Variants in RNASEH2B observed in about 807,000 individuals in gnomAD.
RNASEH2B encodes ribonuclease H2 subunit B, also known as Aicardi-Goutieres syndrome 2 protein.
A neutral mutation model predicts 45.0 loss-of-function variants in RNASEH2B; 36 were observed. The observed-to-expected ratio is 0.80, with a 90% confidence interval of 0.61 to 1.06. RNASEH2B has a LOEUF of 1.06. RNASEH2B is among the 50% of genes least tolerant of loss of function. The probability of loss-of-function intolerance (pLI) is 0.00; values close to 1 mark genes in which losing one functional copy is unlikely to be tolerated. For missense variants in RNASEH2B, 361 were observed against 360.3 expected, an observed-to-expected ratio of 1.00 and a Z score of -0.02; for synonymous variants, 119 against 125.7, an observed-to-expected ratio of 0.95 and a Z score of 0.35.
At chr13:50,931,119 C>CTT (rs1951676883) in intron 4 of RNASEH2B, among the ~76,000 whole-genome samples, 1 of 152,136 alleles carries the variant, frequency 6.6e-6, no homozygotes, top group Non-Finnish European at 1.5e-5. Context: ...GACCACATGT[C>CTT]TTAAAGAGTC....
At chr13:50,944,327 A>G (rs1184301082) in intron 6 of RNASEH2B, among the ~76,000 whole-genome samples, 3 of 152,188 alleles carry the variant, frequency 2.0e-5, no homozygotes, top group Non-Finnish European at 2.9e-5. Flanking sequence ...ACTGTTTCCT[A>G]AGATTCTCTT....
intron 9 of RNASEH2B, among the ~76,000 whole-genome samples, chr13:50,965,862 C>A (rs533787489): frequency 9.9e-5 from 15 of 152,276 alleles, no homozygotes; most frequent in African/African-American, 3.4e-4. Context: ...AGCCCGCAAC[C>A]TAAATTATTG....
chr13:50,930,777 A>C lies in RNASEH2B; in HGVS notation c.321+18A>C. The C allele has an allele frequency of 6.4e-7, 1 of 1,572,616 alleles. No individual in the cohort carries two copies. Among genetic ancestry groups the C allele is most frequent in the Non-Finnish European group, 8.8e-7 (1 of 1,142,148 alleles). On this transcript the variant is annotated intron_variant, in intron 4 of 10. Coordinates refer to ENST00000336617, the MANE Select transcript of RNASEH2B (RefSeq NM_024570.4). ...ATAAGGAGGTGAGTTTCCAGCTCGG[A>C]GCATCCACAGTGAGGAAACAGAATC...
intron 1 of RNASEH2B, among the ~76,000 whole-genome samples, chr13:50,920,696 G>A (rs1026321821): frequency 5.3e-5 from 8 of 152,204 alleles, no homozygotes; most frequent in African/African-American, 1.9e-4. Flanking sequence ...TGGAAGCATA[G>A]TTTTGGAAGA....
intron 6 of RNASEH2B, among the ~76,000 whole-genome samples, chr13:50,944,890 A>G (rs1041275472): frequency 7.2e-5 from 11 of 152,360 alleles, no homozygotes; most frequent in African/African-American, 2.4e-4. Context: ...GGAAAATGAC[A>G]TGAATAGCGA....
At chr13:50,943,169 A>G (rs576591610) in intron 5 of RNASEH2B, 152 bp from the exon 6 acceptor site, 140 of 615,606 alleles carry the variant, frequency 2.3e-4, no homozygotes, top group Non-Finnish European at 3.8e-4. Context: ...ATTTAAAAAA[A>G]CATTTCAAGT....
At chr13:50,965,758 C>A (rs1952158926) in intron 9 of RNASEH2B, among the ~76,000 whole-genome samples, 1 of 152,160 alleles carries the variant, frequency 6.6e-6, no homozygotes, top group South Asian at 2.1e-4. Flanking sequence ...TCTTTAATCT[C>A]TCTGGATAAA....
intron 9 of RNASEH2B, among the ~76,000 whole-genome samples, chr13:50,963,785 A>G (rs1473892209): frequency 6.6e-6 from 1 of 152,224 alleles, no homozygotes; most frequent in Non-Finnish European, 1.5e-5. Flanking sequence ...GATCAAAACC[A>G]GAAAATTTAC....
chr13:50,969,634 G>A (rs886941160), intron 9 of RNASEH2B, among the ~76,000 whole-genome samples: 1 of 151,584 alleles, frequency 6.6e-6, no homozygotes, highest in Non-Finnish European at 1.5e-5. Flanking sequence ...CATCCTGTAA[G>A]TTTGGGCCAC....
chr13:50,960,516 T>C (rs577386172), downstream of RNASEH2B, among the ~76,000 whole-genome samples: 44 of 152,282 alleles, frequency 2.9e-4, no homozygotes, highest in Non-Finnish European at 6.0e-4. Context: ...TTCCTTAAGG[T>C]TTAAATTAAT....
chr13:50,940,297 G>A (rs756087944), intron 5 of RNASEH2B, among the ~76,000 whole-genome samples: 1 of 152,152 alleles, frequency 6.6e-6, no homozygotes, highest in Non-Finnish European at 1.5e-5. Flanking sequence ...GGGAACTTTG[G>A]GGGATGATGC....
chr13:50,961,210 G>C (rs1952108184), downstream of RNASEH2B, among the ~76,000 whole-genome samples: 2 of 152,034 alleles, frequency 1.3e-5, no homozygotes, highest in African/African-American at 2.4e-5. Flanking sequence ...TAAGTAATTT[G>C]TGGGTAAGTA....
chr13:50,929,456 GAC>G lies in RNASEH2B; in HGVS notation c.137-17_137-16del. The G allele has an allele frequency of 6.6e-7, 1 of 1,522,492 alleles. No individual in the cohort carries two copies. The highest frequency in any genetic ancestry group is 1.1e-5 in the South Asian group (1 of 89,154). 94.3% of individuals were successfully genotyped at this position (1,522,492 alleles called of 1,614,324 possible). On this transcript the variant is annotated splice_polypyrimidine_tract_variant and intron_variant, in intron 2 of 10. Transcript: ENST00000336617. ...TGTGTGTGAAAACTTACAAATAAAA[GAC>G]AGATTTGTCTTAACAGGAGAAGGAG...
intron 8 of RNASEH2B, chr13:50,948,838 A>AT (rs1173445505): frequency 6.6e-6 from 1 of 152,220 alleles, no homozygotes; most frequent in African/African-American, 2.4e-5. Context: ...AAAAACAATG[A>AT]TTGGAAACTG....
At chr13:50,912,855 A>G (rs759670830) in intron 1 of RNASEH2B, 12 of 152,372 alleles carry the variant, frequency 7.9e-5, no homozygotes, top group Admixed American at 3.9e-4. Flanking sequence ...TCCGTGAGAC[A>G]AGGGTAAAGA....
intron 8 of RNASEH2B, chr13:50,948,323 A>G (rs929691292): frequency 5.4e-5 from 24 of 444,856 alleles, no homozygotes; most frequent in Non-Finnish European, 8.2e-5. Context: ...AGGATTAACT[A>G]TGTTAAAATT....
chr13:50,962,440 A>G (rs566561654), intron 9 of RNASEH2B, among the ~76,000 whole-genome samples: 6 of 152,156 alleles, frequency 3.9e-5, no homozygotes, highest in Non-Finnish European at 7.4e-5. Context: ...TTGGTAATTT[A>G]TGTCTTTCAA....
downstream of RNASEH2B, among the ~76,000 whole-genome samples, chr13:50,961,247 T>C (rs2138036092): frequency 6.6e-6 from 1 of 152,280 alleles, no homozygotes; most frequent in African/African-American, 2.4e-5. Flanking sequence ...GTATCCTATT[T>C]CTTATCGGAT....
chr13:50,958,029 C>T (rs1952073082), downstream of RNASEH2B, among the ~76,000 whole-genome samples: 1 of 151,756 alleles, frequency 6.6e-6, no homozygotes, highest in Non-Finnish European at 1.5e-5. Context: ...TAGTTTCTCT[C>T]ACTCTAGGTT....
Sources: gnomAD v4.1 joint callset for allele counts (sites outside exome capture counted in the v4.1 genomes callset) on GRCh38, gnomAD v4.1.1 for gene constraint, MANE v1.5 for transcripts, NCBI Gene and HGNC (gene_info 2026-07-23, HGNC 2026-07-21) for gene names.